DLX5: variants seen among roughly 807,000 people sequenced by gnomAD.
The protein encoded by DLX5 is homeobox protein DLX-5.
A neutral mutation model predicts 27.1 loss-of-function variants in DLX5; 8 were observed. That is an observed-to-expected ratio of 0.30 (90% CI 0.17 to 0.53). The LOEUF is 0.53. DLX5 is among the 20% of genes least tolerant of loss of function. The pLI is 0.95. For synonymous variants in DLX5, 178 were observed against 161.9 expected (o/e 1.10, Z -0.75); for missense variants, 339 against 375.1 (o/e 0.90, Z 0.80).
At position 97,024,544 on chromosome 7, in the gene DLX5, A is replaced by G. The variant is rs772980357; in HGVS notation, c.80T>C (p.Met27Thr). Residue 27 changes from methionine (M) to threonine (T), a missense_variant, in exon 1 of 3, where the codon ATG (methionine) becomes ACG (threonine). Physicochemically the swap from Met to Thr is moderately conservative, Grantham distance 81. Coordinates refer to ENST00000648378, the MANE Select transcript of DLX5 (RefSeq NM_005221.6). The surrounding 1 kb of genome is among the most constrained non-coding windows in gnomAD (Gnocchi z 4.6). Reference protein sequence around the residue: ...FQAPFQTSAAMHHPSQESPTL... With the variant: ...FQAPFQTSAATHHPSQESPTL... ...TGGCGATTCCTGAGACGGATGGTGC[A>G]TAGCTGCGGACGTCTGGAACGGAGC... 4 of 1,613,914 alleles carry G rather than the reference A, an allele frequency of 2.5e-6. No homozygotes were observed. Among genetic ancestry groups the G allele is most frequent in the African/African-American group, 2.7e-5 (2 of 74,950 alleles).
Position 97,024,470 on chromosome 7 carries a change from C to A in DLX5, c.154G>T (p.Gly52Trp), listed in dbSNP as rs756330186. ...GAGCAGTAGCCGTGCGGGGCTCCCC[C>A]CGTAGGGCTGTAGTAGTCAGAATCG... ...ATDSDYYSPT[G>W]GAPHGYCSPT... The change falls in exon 1 of 3, where the codon GGG becomes TGG. Residue 52 changes from glycine (G) to tryptophan (W), a missense_variant. By Grantham distance (184) the Gly-to-Trp change is radical. Transcript: ENST00000648378. The surrounding 1 kb of genome is among the most constrained non-coding windows in gnomAD (Gnocchi z 4.6). The A allele has an allele frequency of 1.9e-6, 3 of 1,614,078 alleles. No individual in the cohort carries two copies. The highest frequency in any genetic ancestry group is 2.2e-5 in the South Asian group (2 of 91,090).
rs1790146694 is a variant in DLX5, at chr7:97,024,714, A to G, written c.-91T>C. 8.7e-7 allele frequency: 1 copy of G among 1,147,338 alleles called. No homozygotes were observed. The highest frequency in any genetic ancestry group is 1.2e-6 in the Non-Finnish European group (1 of 808,368). The allele number at this position is 1,147,338 out of a possible 1,614,324, so 71.1% of individuals were successfully genotyped here. A position where few individuals can be genotyped will look rare whatever the true frequency, so the allele number is the denominator to read the frequency against. On this transcript the variant is annotated 5_prime_UTR_variant, in exon 1 of 3. It removes an upstream start codon present in the reference 5' UTR. Transcript: ENST00000648378. This position sits in a 1 kb window ranked among gnomAD's most constrained non-coding sequence, Gnocchi z 4.6. ...TGGGGCTGCTCTGGTCTAAGCAGAC[A>G]TGGCTGTGGGAGCGAGGGAGGAGGA... is the stretch of plus-strand genomic sequence containing the variant.
In DLX5 at chr7:97,024,814, T is replaced by TCCGG; in HGVS notation, c.-195_-192dup. The TCCGG allele has an allele frequency of 1.7e-6, 1 of 584,314 alleles. No individual in the cohort carries two copies. The highest frequency in any genetic ancestry group is 2.8e-5 in the East Asian group (1 of 35,458). The allele number at this position is 584,314 out of a possible 1,614,324, so 36.2% of individuals were successfully genotyped here. A position where few individuals can be genotyped will look rare whatever the true frequency, so the allele number is the denominator to read the frequency against. Reference sequence around the variant, plus strand: ...GACTGGGAGTCGTGAAGTCTCTGTCTCCGGCCGGCTGACTGCTGGCTGAGG... The same window carrying TCCGG: ...GACTGGGAGTCGTGAAGTCTCTGTCTCCGGCCGGCCGGCTGACTGCTGGCTGAGG... On this transcript the variant is annotated 5_prime_UTR_variant, in exon 1 of 3. Transcript: ENST00000648378. The surrounding 1 kb of genome is among the most constrained non-coding windows in gnomAD (Gnocchi z 4.6).
chr7:97,023,864 T>G (rs954156187), intron 1 of DLX5, among the ~76,000 whole-genome samples: 2 of 151,664 alleles, frequency 1.3e-5, no homozygotes, highest in African/African-American at 4.8e-5. Flanking sequence ...AGCCTTCTAT[T>G]CCCACTCGCA....
At chr7:97,022,476 C>T in intron 1 of DLX5, 107 bp from the exon 2 acceptor site, 1 of 1,542,780 alleles carries the variant, frequency 6.5e-7, no homozygotes, top group Non-Finnish European at 8.7e-7. Context: ...AGTCTTCATT[C>T]TTTGCCCATA....
At chr7:97,023,059 T>C (rs925965357) in intron 1 of DLX5, among the ~76,000 whole-genome samples, 1 of 149,730 alleles carries the variant, frequency 6.7e-6, no homozygotes, top group Non-Finnish European at 1.5e-5. Flanking sequence ...CTTCCACTTA[T>C]GCACGGAATA....
chr7:97,024,708 G>T lies in DLX5; in HGVS notation c.-85C>A. Reference sequence around the variant, plus strand: ...TGGCTGTGGGGCTGCTCTGGTCTAAGCAGACATGGCTGTGGGAGCGAGGGA... The same window carrying T: ...TGGCTGTGGGGCTGCTCTGGTCTAATCAGACATGGCTGTGGGAGCGAGGGA... On this transcript the variant is annotated 5_prime_UTR_variant, in exon 1 of 3. Transcript: ENST00000648378. This position sits in a 1 kb window ranked among gnomAD's most constrained non-coding sequence, Gnocchi z 4.6. 1 of 1,178,562 alleles carries T rather than the reference G, an allele frequency of 8.5e-7. No homozygotes were observed. The highest frequency in any genetic ancestry group is 1.2e-6 in the Non-Finnish European group (1 of 834,724). 73.0% of individuals were successfully genotyped at this position (1,178,562 alleles called of 1,614,324 possible).
Position 97,024,207 on chromosome 7 carries a change from A to G in DLX5, c.355+62T>C. On this transcript the variant is annotated intron_variant, in intron 1 of 2. Transcript: ENST00000648378. The surrounding 1 kb of genome is among the most constrained non-coding windows in gnomAD (Gnocchi z 4.6). The stretch of plus-strand genomic sequence containing the variant: ...GCTGTGACCCCCAATCTACCACCCC[A>G]TCTCGCGCCCCCAGCGTCCTAGTCG... 1 of 1,500,584 alleles carries G rather than the reference A, an allele frequency of 6.7e-7. No homozygotes were observed. The highest frequency in any genetic ancestry group is 9.0e-7 in the Non-Finnish European group (1 of 1,112,442). The allele number at this position is 1,500,584 out of a possible 1,614,324, so 93.0% of individuals were successfully genotyped here.
rs1239821558 is a variant in DLX5 at position 97,024,046 on chromosome 7, G to T, written c.355+223C>A. On this transcript the variant is annotated intron_variant, in intron 1 of 2. Coordinates refer to ENST00000648378, the MANE Select transcript of DLX5 (RefSeq NM_005221.6). This position sits in a 1 kb window ranked among gnomAD's most constrained non-coding sequence, Gnocchi z 4.6. Reference sequence around the variant, plus strand: ...CTGAAGGGCCTTGGAAGGTGCCGGAGGGGAGAGACGCTAGTTCGAACCTCC... The same window carrying T: ...CTGAAGGGCCTTGGAAGGTGCCGGATGGGAGAGACGCTAGTTCGAACCTCC... Among the ~76,000 whole-genome samples the T allele has an allele frequency of 6.6e-6, 1 of 152,184 alleles. No homozygotes were observed. Among genetic ancestry groups the T allele is most frequent in the African/African-American group, 2.4e-5 (1 of 41,456 alleles).
chr7:97,022,067 G>T, intron 2 of DLX5, 118 bp downstream of exon 2: 1 of 1,220,212 alleles, frequency 8.2e-7, no homozygotes, highest in Non-Finnish European at 1.2e-6. Context: ...ATGTCTTTGG[G>T]TCTGTTAGTT....
Position 97,024,518 on chromosome 7 carries a change from T to G in DLX5, c.106A>C (p.Thr36Pro). The G allele has an allele frequency of 1.9e-6, 3 of 1,614,214 alleles. No homozygotes were observed. The highest frequency in any genetic ancestry group is 1.7e-6 in the Non-Finnish European group (2 of 1,180,034). ...AMHHPSQESP[T>P]LPESSATDSD... ...TCGGTAGCTGAAGACTCGGGCAAAG[T>G]TGGCGATTCCTGAGACGGATGGTGC... The change falls in exon 1 of 3, where the codon ACT becomes CCT. Residue 36 changes from threonine to proline, a missense_variant. Thr to Pro is a conservative substitution (Grantham distance 38). This residue lies in a region of DLX5 where 188 missense variants were observed against 206.1 expected (regional missense o/e 0.91). Coordinates refer to ENST00000648378, the MANE Select transcript of DLX5 (RefSeq NM_005221.6). The surrounding 1 kb of genome is among the most constrained non-coding windows in gnomAD (Gnocchi z 4.6).
At chr7:97,023,564 A>G (rs1790121629) in intron 1 of DLX5, among the ~76,000 whole-genome samples, 1 of 151,714 alleles carries the variant, frequency 6.6e-6, no homozygotes. Flanking sequence ...AAACTCTCTA[A>G]GTAAGTTTCA....
Position 97,024,674 on chromosome 7 carries a change from T to C in DLX5, c.-51A>G. 6.7e-7 allele frequency: 1 copy of C among 1,491,976 alleles called. No individual in the cohort carries two copies. Among genetic ancestry groups the C allele is most frequent in the Non-Finnish European group, 9.1e-7 (1 of 1,095,058 alleles). 92.4% of individuals were successfully genotyped at this position (1,491,976 alleles called of 1,614,324 possible). A position where few individuals can be genotyped will look rare whatever the true frequency, so the allele number is the denominator to read the frequency against. On this transcript the variant is annotated 5_prime_UTR_variant, in exon 1 of 3. Transcript: ENST00000648378. The surrounding 1 kb of genome is among the most constrained non-coding windows in gnomAD (Gnocchi z 4.6). Reference sequence around the variant, plus strand: ...TCCTTGCTGTTGTGGCGGCGGCAGCTGCCCTAGTTGGCTGTGGGGCTGCTC... The same window carrying C: ...TCCTTGCTGTTGTGGCGGCGGCAGCCGCCCTAGTTGGCTGTGGGGCTGCTC...
rs1790015597 is a variant in DLX5, at chr7:97,020,411, T to C, written c.*325A>G. ...AACATTCCGCTTTTCATGGTCGAAA[T>C]AATTTTATTTATCCAGAATATACAG... On this transcript the variant is annotated 3_prime_UTR_variant, in exon 3 of 3. Transcript: ENST00000648378. 1 of 184,078 alleles carries C rather than the reference T, an allele frequency of 5.4e-6. No homozygotes were observed. The highest frequency in any genetic ancestry group is 1.3e-4 in the East Asian group (1 of 7,440). The allele number at this position is 184,078 out of a possible 1,614,324, so 11.4% of individuals were successfully genotyped here.
intron 2 of DLX5, among the ~76,000 whole-genome samples, chr7:97,021,387 G>A (rs892816623): frequency 6.6e-6 from 1 of 152,182 alleles, no homozygotes; most frequent in South Asian, 2.1e-4. Flanking sequence ...GGCGCGCCTC[G>A]TGTAAGCCTG....
Position 97,024,717 on chromosome 7 carries a change from G to T in DLX5, c.-94C>A. 2 of 1,100,420 alleles carry T rather than the reference G, an allele frequency of 1.8e-6. No individual in the cohort carries two copies. The highest frequency in any genetic ancestry group is 2.6e-6 in the Non-Finnish European group (2 of 767,952). The allele number at this position is 1,100,420 out of a possible 1,614,324, so 68.2% of individuals were successfully genotyped here. A position where few individuals can be genotyped will look rare whatever the true frequency, so the allele number is the denominator to read the frequency against. ...GGCTGCTCTGGTCTAAGCAGACATG[G>T]CTGTGGGAGCGAGGGAGGAGGAGGA... is the stretch of plus-strand genomic sequence containing the variant. On this transcript the variant is annotated 5_prime_UTR_variant, in exon 1 of 3. Transcript: ENST00000648378. The surrounding 1 kb of genome is among the most constrained non-coding windows in gnomAD (Gnocchi z 4.6).
Position 97,020,762 on chromosome 7 carries a change from C to A in DLX5, c.844G>T (p.Ala282Ser). 3 of 1,601,708 alleles carry A rather than the reference C, an allele frequency of 1.9e-6. No homozygotes were observed. The highest frequency in any genetic ancestry group is 2.6e-6 in the Non-Finnish European group (3 of 1,171,492). Residue 282 changes from alanine to serine, a missense_variant, in exon 3 of 3, where the codon GCG becomes TCG. This residue lies in a region of DLX5 where 136 missense variants were observed against 130.3 expected (regional missense o/e 1.04). Transcript: ENST00000648378. ...TAATAGAGTGTCCCGGAGGCCAGCG[C>A]CAGCGGGTGCTGTAAGGAGCCCGGC... ...PPPGSLQHPL[A>S]LASGTLY is the part of the protein sequence containing the mutation.
At chr7:97,022,128 C>T in intron 2 of DLX5, 57 bp downstream of exon 2, 1 of 1,607,364 alleles carries the variant, frequency 6.2e-7, no homozygotes, top group Non-Finnish European at 8.5e-7. Context: ...CTGAACCGCG[C>T]GACCCAACCA....
At chr7:97,023,675 A>T (rs1790124281) in intron 1 of DLX5, among the ~76,000 whole-genome samples, 1 of 151,776 alleles carries the variant, frequency 6.6e-6, no homozygotes, top group African/African-American at 2.4e-5. Flanking sequence ...ACCCTCCTCC[A>T]CCTTTAAATG....
Sources: gnomAD v4.1 joint callset for allele counts (sites outside exome capture counted in the v4.1 genomes callset) on GRCh38, gnomAD v4.1.1 for gene constraint, gnomAD v4.1.1 regional missense constraint, Gnocchi (gnomAD v3.1) non-coding constraint, MANE v1.5 for transcripts, NCBI Gene and HGNC (gene_info 2026-07-23, HGNC 2026-07-21) for gene names.